Variants in STXBP6 observed in about 807,000 individuals in gnomAD.
The protein encoded by STXBP6 is syntaxin-binding protein 6.
In STXBP6, 21 loss-of-function variants were observed where a neutral mutation model predicts 26.9. That is an observed-to-expected ratio of 0.78 (90% CI 0.55 to 1.12). STXBP6 has a LOEUF of 1.12. Ranked by LOEUF, STXBP6 falls within the 50% of genes most tolerant of loss-of-function variation. The pLI is 0.00. For synonymous variants in STXBP6, 97 were observed against 92.6 expected (o/e 1.05, Z -0.27); for missense variants, 232 against 257.9 (o/e 0.90, Z 0.69).
chr14:24,849,846 T>G (rs2069085940), intron 4 of STXBP6, among the ~76,000 whole-genome samples: 1 of 152,138 alleles, frequency 6.6e-6, no homozygotes, highest in African/African-American at 2.4e-5. Context: ...CTAATATGTG[T>G]GCGTGCATCT....
At chr14:24,870,096 A>C (rs1595004842) in intron 2 of STXBP6, among the ~76,000 whole-genome samples, 1 of 152,204 alleles carries the variant, frequency 6.6e-6, no homozygotes, top group Non-Finnish European at 1.5e-5. Context: ...AGGTTCATGC[A>C]TACCAGTAAA....
At chr14:24,866,431 G>A (rs1435563572) in intron 2 of STXBP6, among the ~76,000 whole-genome samples, 2 of 152,038 alleles carry the variant, frequency 1.3e-5, no homozygotes, top group Non-Finnish European at 2.9e-5. Context: ...ATGTATATGT[G>A]TATATGCGTG....
chr14:24,870,387 T>C (rs2069883974), intron 2 of STXBP6, among the ~76,000 whole-genome samples: 1 of 152,176 alleles, frequency 6.6e-6, no homozygotes, highest in Non-Finnish European at 1.5e-5. Flanking sequence ...TTACACCAAT[T>C]TGACATAATT....
chr14:25,025,409 G>C (rs2075332591), intron 1 of STXBP6, among the ~76,000 whole-genome samples: 1 of 151,994 alleles, frequency 6.6e-6, no homozygotes, highest in South Asian at 2.1e-4. Flanking sequence ...CACATCAAAT[G>C]GAATACTGGA....
intron 2 of STXBP6, among the ~76,000 whole-genome samples, chr14:24,889,955 C>T (rs1032623057): frequency 1.3e-5 from 2 of 152,238 alleles, no homozygotes; most frequent in Non-Finnish European, 2.9e-5. Flanking sequence ...GGGAGCTTCA[C>T]CTCTTCTAAC....
At chr14:24,946,031 G>T (rs2072976543) in intron 2 of STXBP6, among the ~76,000 whole-genome samples, 2 of 152,208 alleles carry the variant, frequency 1.3e-5, no homozygotes, top group South Asian at 4.1e-4. Flanking sequence ...GAGGAAGTAT[G>T]TGGCAATTAA....
chr14:24,908,592 A>G (rs12883258), intron 2 of STXBP6, among the ~76,000 whole-genome samples: 29,108 of 152,088 alleles, frequency 0.19, 3,636 homozygotes, highest in African/African-American at 0.36. Context: ...TGGTTCCTCA[A>G]TTGCATCAAA....
At chr14:24,886,771 A>G (rs2070603817) in intron 2 of STXBP6, among the ~76,000 whole-genome samples, 1 of 152,206 alleles carries the variant, frequency 6.6e-6, no homozygotes, top group African/African-American at 2.4e-5. Context: ...GCTACCTTAG[A>G]ATTTTAAAAA....
intron 2 of STXBP6, among the ~76,000 whole-genome samples, chr14:24,921,034 T>C (rs1034059694): frequency 6.6e-6 from 1 of 152,116 alleles, no homozygotes; most frequent in African/African-American, 2.4e-5. Context: ...TAAATCTAGC[T>C]TTGGGATCAG....
Position 24,819,190 on chromosome 14 carries a change from G to A in STXBP6, c.456C>T (p.Asn152=). The A allele has an allele frequency of 1.9e-6, 3 of 1,614,082 alleles. No individual in the cohort carries two copies. Among genetic ancestry groups the A allele is most frequent in the East Asian group, 2.2e-5 (1 of 44,876 alleles). The change falls in exon 5 of 6, where the codon AAC becomes AAT. Residue 152 remains asparagine, a synonymous_variant. Transcript: ENST00000323944. ...INCQSKIMGG[N]SILHSAADSV... is the part of the protein sequence containing the mutation. ...TGTCAGCAGCTGAATGGAGGATGCT[G>A]TTTCCTGAAAGGAGGAGAGCAGGAG...
intron 2 of STXBP6, among the ~76,000 whole-genome samples, chr14:24,893,732 T>G (rs1464461084): frequency 6.6e-6 from 1 of 152,214 alleles, no homozygotes; most frequent in Non-Finnish European, 1.5e-5. Context: ...CAATAAAATA[T>G]ATGTACCTCC....
At chr14:24,976,880 T>TTTTTTTTTTTTG (rs2074060892) in intron 1 of STXBP6, among the ~76,000 whole-genome samples, 2 of 136,084 alleles carry the variant, frequency 1.5e-5, no homozygotes, top group South Asian at 4.9e-4. Context: ...TTTTTTTTTT[T>TTTTTTTTTTTTG]GAGGCAGAGT....
intron 2 of STXBP6, among the ~76,000 whole-genome samples, chr14:24,960,407 G>C (rs1013185671): frequency 6.6e-6 from 1 of 152,052 alleles, no homozygotes; most frequent in Non-Finnish European, 1.5e-5. Flanking sequence ...ACCCCCAATA[G>C]ATGCATATTT....
At position 24,811,498 on chromosome 14, in the gene STXBP6, A is replaced by G. The variant is rs1480262413; in HGVS notation, c.*1211T>C. On this transcript the variant is annotated 3_prime_UTR_variant, in exon 6 of 6. Transcript: ENST00000323944. ...ACCCTCTAGGAAACAGAACTTCTAG[A>G]CCCTAAGCCCCTTATTATCTTGAGT... 2 of 152,060 alleles carry G rather than the reference A, an allele frequency of 1.3e-5. No individual in the cohort carries two copies. The highest frequency in any genetic ancestry group is 2.9e-5 in the Non-Finnish European group (2 of 68,002). 9.4% of individuals were successfully genotyped at this position (152,060 alleles called of 1,614,324 possible).
intron 2 of STXBP6, among the ~76,000 whole-genome samples, chr14:24,875,907 G>T (rs1045177162): frequency 3.9e-5 from 6 of 152,130 alleles, no homozygotes; most frequent in African/African-American, 1.2e-4. Context: ...CATTTCAGAA[G>T]AGAAATGACA....
At chr14:24,892,096 A>T (rs1452096621) in intron 2 of STXBP6, among the ~76,000 whole-genome samples, 1 of 152,228 alleles carries the variant, frequency 6.6e-6, no homozygotes, top group African/African-American at 2.4e-5. Flanking sequence ...TACCCCCAAC[A>T]CATGTACACA....
At chr14:24,900,306 A>C (rs546001594) in intron 2 of STXBP6, among the ~76,000 whole-genome samples, 17 of 152,262 alleles carry the variant, frequency 1.1e-4, no homozygotes, top group African/African-American at 4.1e-4. Flanking sequence ...TCATCAGGGA[A>C]ATGTCCTCAT....
chr14:24,965,001 G>A (rs2073688052), intron 2 of STXBP6, among the ~76,000 whole-genome samples: 1 of 152,110 alleles, frequency 6.6e-6, no homozygotes, highest in Non-Finnish European at 1.5e-5. Flanking sequence ...CCAGTATTGT[G>A]CAAATATTCA....
chr14:24,976,899 A>T (rs1303060767), intron 1 of STXBP6, among the ~76,000 whole-genome samples: 1 of 80,532 alleles, frequency 1.2e-5, no homozygotes, highest in Non-Finnish European at 2.2e-5. Context: ...GTCTTGCTTT[A>T]TCACCCAGGC....
Sources: gnomAD v4.1 joint callset for allele counts (sites outside exome capture counted in the v4.1 genomes callset) on GRCh38, gnomAD v4.1.1 for gene constraint, MANE v1.5 for transcripts, NCBI Gene and HGNC (gene_info 2026-07-23, HGNC 2026-07-21) for gene names.